LRRC56: variants seen among roughly 807,000 people sequenced by gnomAD.
The protein encoded by LRRC56 is leucine rich repeat containing 56, also known as leucine-rich repeat-containing protein 56.
In LRRC56, 41 loss-of-function variants were observed where a neutral mutation model predicts 47.8. That is an observed-to-expected ratio of 0.86 (90% CI 0.67 to 1.11). The LOEUF (loss-of-function observed/expected upper bound fraction) is 1.11, where lower values mean the gene tolerates loss of function less well. Among genes scored for constraint, LRRC56 ranks in the 50% most tolerant of loss-of-function variants. The pLI, the probability that LRRC56 is intolerant of heterozygous loss-of-function variation, is 0.00. For synonymous variants in LRRC56, 387 were observed against 311.2 expected, an observed-to-expected ratio of 1.24 and a Z score of -2.56; for missense variants, 759 against 704.2, an observed-to-expected ratio of 1.08 and a Z score of -0.88.
chr11:532,828 G>A (rs1851189907), upstream of LRRC56: 14 of 1,493,736 alleles, frequency 9.4e-6, no homozygotes, highest in Non-Finnish European at 1.3e-5. Flanking sequence ...TCCCTGCTGT[G>A]GGATCAAGCC....
At chr11:533,002 C>G (rs1381233889), upstream of LRRC56, among the ~76,000 whole-genome samples, 1 of 152,216 alleles carries the variant, frequency 6.6e-6, no homozygotes, top group Admixed American at 6.5e-5. Context: ...AACTCCAGGT[C>G]TGGCCAGGGT....
chr11:518,403 G>A, the LRRC56 span, among the ~76,000 whole-genome samples: 46 of 152,148 alleles, frequency 3.0e-4, no homozygotes, highest in East Asian at 2.5e-3. Flanking sequence ...GGATGGTCTC[G>A]ATCTCCTGAC....
the LRRC56 span, among the ~76,000 whole-genome samples, chr11:522,601 T>C: frequency 6.6e-6 from 1 of 152,034 alleles, no homozygotes; most frequent in Admixed American, 6.6e-5. Flanking sequence ...AGTTTCACCA[T>C]GTTGCCCAGG....
rs972375716 is a variant in LRRC56 at position 550,260 on chromosome 11, C to G, written c.612C>G (p.Gly204=). ...TGGTGTGCCTACAGCCGGCCCCTGG[C>G]CCCACCAACAAGGTGCGTGTCCCGG... ...GNLVCLQPAP[G]PTNKVPRGYN... The change falls in exon 8 of 14, where the codon GGC becomes GGG. Residue 204 remains glycine, a synonymous_variant. Coordinates refer to ENST00000270115, the MANE Select transcript of LRRC56 (RefSeq NM_198075.4). 6.3e-7 allele frequency: 1 copy of G among 1,595,404 alleles called. No homozygotes were observed.
intron 12 of LRRC56, 84 bp downstream of exon 12, chr11:552,316 C>T (rs1269523540): frequency 7.9e-6 from 12 of 1,525,130 alleles, no homozygotes; most frequent in South Asian, 7.4e-5. Flanking sequence ...TGAGTCATCC[C>T]CAGTCCCAAG....
At chr11:523,550 G>A in the LRRC56 span, among the ~76,000 whole-genome samples, 27 of 151,192 alleles carry the variant, frequency 1.8e-4, no homozygotes, top group Non-Finnish European at 3.2e-4. Flanking sequence ...AGAATCGCTT[G>A]AACCCTGGAG....
chr11:551,307 G>A lies in LRRC56; in HGVS notation c.796+5G>A, dbSNP rs759905000. 31 of 1,503,956 alleles carry A rather than the reference G, an allele frequency of 2.1e-5. No homozygotes were observed. Among genetic ancestry groups the A allele is most frequent in the Middle Eastern group, 1.7e-4 (1 of 5,810 alleles). The allele number at this position is 1,503,956 out of a possible 1,614,324, so 93.2% of individuals were successfully genotyped here. A position where few individuals can be genotyped will look rare whatever the true frequency, so the allele number is the denominator to read the frequency against. ...GCAACGGCCTTCCCCCGCTGGGTAC[G>A]GCAGCTGCGCCCGGAGGACCCACTG... On this transcript the variant is annotated splice_donor_5th_base_variant and intron_variant, in intron 9 of 13. Transcript: ENST00000270115.
the LRRC56 span, among the ~76,000 whole-genome samples, chr11:514,901 T>C: frequency 3.9e-5 from 6 of 152,072 alleles, no homozygotes; most frequent in Admixed American, 2.0e-4. Context: ...GCTAGATGGT[T>C]TTCTCCCCGG....
At chr11:549,302 CGA>C (rs1564804324) in intron 6 of LRRC56, among the ~76,000 whole-genome samples, 4 of 152,208 alleles carry the variant, frequency 2.6e-5, no homozygotes, top group African/African-American at 9.7e-5. Context: ...GCCTCCCAGC[CGA>C]GAGGGGCAGG....
intron 12 of LRRC56, 134 bp downstream of exon 12, chr11:552,366 A>G: frequency 3.0e-6 from 4 of 1,342,870 alleles, no homozygotes; most frequent in Non-Finnish European, 3.1e-6. Flanking sequence ...CCGTGGGGGG[A>G]TCAGGGCTGG....
At chr11:535,612 G>A (rs1332136788), upstream of LRRC56, 1 of 151,564 alleles carries the variant, frequency 6.6e-6, no homozygotes, top group Non-Finnish European at 1.5e-5. Flanking sequence ...CGTCTGCCAG[G>A]CGCGGCCTAC....
chr11:551,525 G>T, intron 9 of LRRC56, 126 bp from the exon 10 acceptor site: 1 of 1,031,512 alleles, frequency 9.7e-7, no homozygotes, highest in Non-Finnish European at 1.4e-6. Context: ...TCTCTAGAAG[G>T]CTGCAGCGTG....
chr11:551,786 A>G lies in LRRC56; in HGVS notation c.932A>G (p.Glu311Gly), dbSNP rs201494676. The G allele has an allele frequency of 5.6e-6, 9 of 1,609,602 alleles. No individual in the cohort carries two copies. The highest frequency in any genetic ancestry group is 5.9e-6 in the Non-Finnish European group (7 of 1,178,250). ...GGPLPEGLLS[E>G]DLAPEDNTSS... is the part of the protein sequence containing the mutation. The stretch of plus-strand genomic sequence containing the variant: ...CCCCTGCCTGAAGGCCTGCTTTCTG[A>G]GGACCTGGCCCCAGAAGATAACACC... The change falls in exon 10 of 14, where the codon GAG becomes GGG. Residue 311 changes from glutamate to glycine, a missense_variant. Transcript: ENST00000270115.
intron 13 of LRRC56, 75 bp from the exon 14 acceptor site, chr11:553,888 G>A (rs1852591527): frequency 1.4e-6 from 2 of 1,385,814 alleles, no homozygotes; most frequent in African/African-American, 2.9e-5. Flanking sequence ...CCACGGGTGG[G>A]CTGTGGCCTC....
chr11:550,627 A>T (rs964099283), intron 8 of LRRC56, among the ~76,000 whole-genome samples: 2 of 151,964 alleles, frequency 1.3e-5, no homozygotes, highest in African/African-American at 4.8e-5. Flanking sequence ...CTCCAGCCCC[A>T]CAGGCCCCAC....
At chr11:537,285 T>G (rs1851552092), upstream of LRRC56, 1 of 152,212 alleles carries the variant, frequency 6.6e-6, no homozygotes, top group Admixed American at 6.5e-5. Context: ...CTGACGCGCC[T>G]GCGCCCACCC....
the LRRC56 span, among the ~76,000 whole-genome samples, chr11:508,183 C>G: frequency 2.0e-5 from 3 of 152,200 alleles, no homozygotes; most frequent in Non-Finnish European, 2.9e-5. Context: ...TATTTGTTTT[C>G]GAGACAGGGT....
intron 5 of LRRC56, among the ~76,000 whole-genome samples, chr11:543,894 G>A (rs1851934062): frequency 1.3e-5 from 2 of 152,140 alleles, no homozygotes; most frequent in Non-Finnish European, 2.9e-5. Context: ...GACTACAGGC[G>A]CCCGCCACCA....
the LRRC56 span, among the ~76,000 whole-genome samples, chr11:511,946 G>A: frequency 5.3e-5 from 8 of 151,786 alleles, no homozygotes; most frequent in Non-Finnish European, 8.8e-5. Context: ...GTTAGGAGGC[G>A]AATTTTTTTT....
Sources: gnomAD v4.1 joint callset for allele counts (sites outside exome capture counted in the v4.1 genomes callset) on GRCh38, gnomAD v4.1.1 for gene constraint, MANE v1.5 for transcripts, NCBI Gene and HGNC (gene_info 2026-07-23, HGNC 2026-07-21) for gene names.